AK9: variants seen among roughly 807,000 people sequenced by gnomAD.
AK9 encodes the protein adenylate kinase domain containing 1.
A neutral mutation model predicts 239.6 loss-of-function variants in AK9; 191 were observed. The ratio of observed to expected loss-of-function variants is 0.80; its 90% CI spans 0.71 to 0.90. AK9 has a LOEUF of 0.90. Ranked by LOEUF, AK9 falls within the 40% of genes least tolerant of loss-of-function variation. The probability of loss-of-function intolerance (pLI) is 0.00; values close to 1 mark genes in which losing one functional copy is unlikely to be tolerated. For synonymous variants in AK9, 689 were observed against 721.0 expected (o/e 0.96, Z 0.71); for missense variants, 1,995 against 2,214.7 (o/e 0.90, Z 1.99).
At chr6:109,579,724 A>G in intron 19 of AK9, 98 bp from the exon 20 acceptor site, 1 of 1,004,484 alleles carries the variant, frequency 1.0e-6, no homozygotes. Flanking sequence ...TAAAGATTAA[A>G]TCTTATTATA....
intron 1 of AK9, among the ~76,000 whole-genome samples, chr6:109,688,284 T>C (rs1321107724): frequency 6.6e-6 from 1 of 152,114 alleles, no homozygotes; most frequent in Admixed American, 6.5e-5. Flanking sequence ...ATTCATTCAG[T>C]GACAAATTGA....
chr6:109,575,082 T>C (rs1787889475), intron 20 of AK9, among the ~76,000 whole-genome samples: 1 of 152,196 alleles, frequency 6.6e-6, no homozygotes, highest in Admixed American at 6.5e-5. Context: ...AATATATATA[T>C]ATCACATGTT....
In AK9 at chr6:109,573,596, TA is replaced by T; in HGVS notation, c.2192-3del. 4 of 1,533,350 alleles carry T rather than the reference TA, an allele frequency of 2.6e-6. No homozygotes were observed. The highest frequency in any genetic ancestry group is 1.2e-5 in the South Asian group (1 of 80,228). The allele number at this position is 1,533,350 out of a possible 1,614,324, so 95.0% of individuals were successfully genotyped here. A position where few individuals can be genotyped will look rare whatever the true frequency, so the allele number is the denominator to read the frequency against. On this transcript the variant is annotated splice_region_variant and splice_polypyrimidine_tract_variant and intron_variant, in intron 20 of 40. Coordinates refer to ENST00000424296, the MANE Select transcript of AK9 (RefSeq NM_001145128.3). ...CCTCATTATCAGTCTCTTCAGCTTC[TA>T]AAAAAATTTGAAGAAATAAATTATC...
chr6:109,502,356 A>C (rs571839585), intron 35 of AK9, among the ~76,000 whole-genome samples: 1 of 152,316 alleles, frequency 6.6e-6, no homozygotes, highest in African/African-American at 2.4e-5. Context: ...AGGGAGAATG[A>C]CATGTGAAGA....
intron 24 of AK9, among the ~76,000 whole-genome samples, chr6:109,554,751 C>T (rs367990083): frequency 2.6e-5 from 4 of 152,022 alleles, no homozygotes; most frequent in South Asian, 2.1e-4. Context: ...AGGCTTGTCT[C>T]GAACTCCTGA....
intron 27 of AK9, among the ~76,000 whole-genome samples, chr6:109,541,099 T>C (rs1782821438): frequency 6.6e-6 from 1 of 152,188 alleles, no homozygotes; most frequent in Admixed American, 6.5e-5. Context: ...CACACTTCTA[T>C]TTCTGTAATT....
At chr6:109,494,139 G>T (rs1776798610) in intron 39 of AK9, 44 bp from the exon 40 acceptor site, 2 of 1,463,086 alleles carry the variant, frequency 1.4e-6, no homozygotes, top group Admixed American at 3.5e-5. Flanking sequence ...ACTTGAGTTT[G>T]GTTTCTTTTC....
intron 17 of AK9, among the ~76,000 whole-genome samples, chr6:109,595,258 C>T (rs1790864438): frequency 6.6e-6 from 1 of 152,204 alleles, no homozygotes; most frequent in Admixed American, 6.5e-5. Flanking sequence ...CGAAAAAAAG[C>T]TTGTCATTAC....
At chr6:109,606,011 A>G (rs1435393265) in intron 17 of AK9, among the ~76,000 whole-genome samples, 1 of 152,002 alleles carries the variant, frequency 6.6e-6, no homozygotes, top group East Asian at 1.9e-4. Context: ...CATGTGGTCT[A>G]TGTCCAGTCT....
intron 19 of AK9, among the ~76,000 whole-genome samples, chr6:109,582,360 C>A (rs568421906): frequency 2.6e-5 from 4 of 152,148 alleles, no homozygotes; most frequent in Admixed American, 2.6e-4. Context: ...ATTGCAGAAG[C>A]CATTAAGAAC....
rs190571454 is a variant in AK9 at position 109,519,423 on chromosome 6, C to T, written c.3634-2781G>A. On this transcript the variant is annotated intron_variant, in intron 29 of 40. Coordinates refer to ENST00000424296, the MANE Select transcript of AK9 (RefSeq NM_001145128.3). The stretch of plus-strand genomic sequence containing the variant: ...CTTCCACAGTGGCTCAGCTAATTTA[C>T]ATTCCCCTCAAGAGTGTATAAGTAT... Among the ~76,000 whole-genome samples the T allele has an allele frequency of 2.6e-5, 4 of 152,306 alleles. No homozygotes were observed. In the East Asian group the frequency reaches 7.7e-4, roughly 29 times the overall value.
chr6:109,537,390 G>A (rs146370676), intron 27 of AK9, among the ~76,000 whole-genome samples: 1,746 of 151,594 alleles, frequency 0.012, 34 homozygotes, highest in African/African-American at 0.039. Flanking sequence ...GTTTATTTGC[G>A]TAGAGGTGTT....
At chr6:109,503,898 C>A (rs988681292) in intron 35 of AK9, among the ~76,000 whole-genome samples, 3 of 152,218 alleles carry the variant, frequency 2.0e-5, no homozygotes, top group Non-Finnish European at 2.9e-5. Flanking sequence ...ACCCTCCCCC[C>A]ACTTTGGGGA....
chr6:109,579,352 A>G, intron 20 of AK9, 198 bp downstream of exon 20: 1 of 505,870 alleles, frequency 2.0e-6, no homozygotes, highest in Non-Finnish European at 3.5e-6. Context: ...CTTCAGTAAC[A>G]ATATTATTTA....
chr6:109,676,806 A>G (rs564824646), intron 1 of AK9, among the ~76,000 whole-genome samples: 1 of 152,038 alleles, frequency 6.6e-6, no homozygotes, highest in African/African-American at 2.4e-5. Flanking sequence ...TATGCTCATC[A>G]CAACACTACT....
intron 1 of AK9, among the ~76,000 whole-genome samples, chr6:109,682,044 T>G (rs1007552341): frequency 2.6e-5 from 4 of 151,932 alleles, no homozygotes; most frequent in Non-Finnish European, 5.9e-5. Flanking sequence ...GAAGCAACAG[T>G]AAACAAATTA....
intron 8 of AK9, among the ~76,000 whole-genome samples, chr6:109,647,882 AAACT>A (rs1283838856): frequency 4.6e-4 from 70 of 152,296 alleles, no homozygotes; most frequent in Middle Eastern, 3.4e-3. Flanking sequence ...AAATTATAAC[AAACT>A]GTCTCTCAGA....
chr6:109,596,787 A>G (rs1791092520), intron 17 of AK9, among the ~76,000 whole-genome samples: 1 of 152,212 alleles, frequency 6.6e-6, no homozygotes, highest in South Asian at 2.1e-4. Flanking sequence ...TGCTATTAAT[A>G]GAGCTGCGAT....
chr6:109,503,130 A>G (rs187680644), intron 35 of AK9, among the ~76,000 whole-genome samples: 1 of 152,198 alleles, frequency 6.6e-6, no homozygotes, highest in Admixed American at 6.5e-5. Context: ...ATATTACACT[A>G]CTATGATACT....
Sources: allele counts gnomAD v4.1 joint callset (sites outside exome capture counted in the v4.1 genomes callset), GRCh38; gene constraint gnomAD v4.1.1; transcripts MANE v1.5; gene names NCBI Gene and HGNC (gene_info 2026-07-23, HGNC 2026-07-21).